The following FRZB variants were observed in gnomAD, a reference collection of about 807,000 sequenced individuals.
The protein encoded by FRZB is secreted frizzled-related protein 3.
A neutral mutation model predicts 32.5 loss-of-function variants in FRZB; 34 were observed. The observed-to-expected ratio is 1.05, with a 90% confidence interval of 0.80 to 1.39. The LOEUF is 1.39. FRZB is among the 40% of genes most tolerant of loss of function. The probability of loss-of-function intolerance (pLI) is 0.00; values close to 1 mark genes in which losing one functional copy is unlikely to be tolerated. For synonymous variants in FRZB, 170 were observed against 159.2 expected, an observed-to-expected ratio of 1.07 and a Z score of -0.51; for missense variants, 423 against 424.8, an observed-to-expected ratio of 1.00 and a Z score of 0.04.
chr2:182,835,448 G>GT (rs1013370932), intron 5 of FRZB, among the ~76,000 whole-genome samples: 12 of 132,482 alleles, frequency 9.1e-5, no homozygotes, highest in African/African-American at 3.9e-4. Context: ...TTTGAGGGAT[G>GT]GGGGGGTCTC....
chr2:182,854,214 A>C (rs1695741395), intron 2 of FRZB, among the ~76,000 whole-genome samples: 2 of 152,114 alleles, frequency 1.3e-5, no homozygotes, highest in Non-Finnish European at 2.9e-5. Context: ...GAGAGTGGTT[A>C]CTTTGTGAAA....
intron 3 of FRZB, among the ~76,000 whole-genome samples, chr2:182,840,493 G>T (rs1695575955): frequency 6.6e-6 from 1 of 152,050 alleles, no homozygotes; most frequent in Non-Finnish European, 1.5e-5. Flanking sequence ...CACTTAAGGA[G>T]TTTTTCCCAG....
In FRZB at chr2:182,858,820, A is replaced by G. The variant is rs1695799089; in HGVS notation, c.492T>C (p.Asp164=). The G allele has an allele frequency of 3.1e-6, 5 of 1,609,780 alleles. No homozygotes were observed. Among genetic ancestry groups the G allele is most frequent in the Non-Finnish European group, 2.5e-6 (3 of 1,177,098 alleles). Residue 164 remains aspartate (D), a synonymous_variant, in exon 2 of 6, where the codon GAT becomes GAC. Coordinates refer to ENST00000295113, the MANE Select transcript of FRZB (RefSeq NM_001463.4). ...VTADGADFPM[D]SSNGNCRGAS... ...CCCCTCTACAGTTTCCGTTACTAGA[A>G]TCCATAGGAAAATCTGAAAGGAGGT... is the stretch of plus-strand genomic sequence containing the variant.
At chr2:182,858,994 A>G (rs6433992) in intron 1 of FRZB, among the ~76,000 whole-genome samples, 161 bp from the exon 2 acceptor site, 100,187 of 151,858 alleles carry the variant, frequency 0.66, 33,531 homozygotes, top group African/African-American at 0.71. Context: ...CTTATCATTC[A>G]TGGGTTGAGT....
Position 182,838,570 on chromosome 2 carries a change from A to AC in FRZB, c.635_636insG (p.Asp212GlufsTer38). 1 of 1,612,964 alleles carries AC rather than the reference A, an allele frequency of 6.2e-7. No individual in the cohort carries two copies. The highest frequency in any genetic ancestry group is 8.5e-7 in the Non-Finnish European group (1 of 1,179,174). ...CCTTCACCTCCACTACTGCAGTCAC[A>AC]TCATGGCACTTAGTCTTTATCTCTT... On this transcript the variant is annotated frameshift_variant, in exon 4 of 6. Transcript: ENST00000295113. LOFTEE classifies it high-confidence loss of function.
chr2:182,850,436 C>CT (rs1333505662), intron 2 of FRZB, among the ~76,000 whole-genome samples: 1 of 152,168 alleles, frequency 6.6e-6, no homozygotes, highest in Non-Finnish European at 1.5e-5. Flanking sequence ...ATGAGATTCA[C>CT]TTTTTTCTGT....
In FRZB at chr2:182,852,593, T is replaced by C. The variant is rs565915265; in HGVS notation, c.526+6193A>G. 2.0e-5 allele frequency among the ~76,000 whole-genome samples: 3 copies of C among 152,312 alleles called. No individual in the cohort carries two copies. In the East Asian group the frequency reaches 5.8e-4, roughly 29 times the overall value. On this transcript the variant is annotated intron_variant, in intron 2 of 5. Transcript: ENST00000295113. Reference sequence around the variant, plus strand: ...TTTTCAAATGTGAAAGTTCATAAATTGGTCACCCTCACAAAGCAGAAAATT... The same window carrying C: ...TTTTCAAATGTGAAAGTTCATAAATCGGTCACCCTCACAAAGCAGAAAATT...
At chr2:182,836,081 C>T (rs1695521863) in intron 5 of FRZB, among the ~76,000 whole-genome samples, 3 of 152,032 alleles carry the variant, frequency 2.0e-5, no homozygotes, top group Admixed American at 6.6e-5. Context: ...GTATTCTTTA[C>T]TCCACAATCT....
intron 5 of FRZB, among the ~76,000 whole-genome samples, chr2:182,837,446 C>T (rs930552851): frequency 6.6e-6 from 1 of 151,928 alleles, no homozygotes; most frequent in African/African-American, 2.4e-5. Context: ...AGCAATATCC[C>T]CAGGTTTAAA....
intron 2 of FRZB, among the ~76,000 whole-genome samples, chr2:182,851,908 AG>A (rs1695714449): frequency 1.3e-5 from 2 of 152,282 alleles, no homozygotes; most frequent in South Asian, 4.1e-4. Context: ...TCTATAGCTG[AG>A]GGACAAGCAG....
Position 182,834,823 on chromosome 2 carries a change from CTG to C in FRZB, c.*24_*25del, listed in dbSNP as rs773780156. 6.5e-7 allele frequency: 1 copy of C among 1,530,990 alleles called. No individual in the cohort carries two copies. Among genetic ancestry groups the C allele is most frequent in the Non-Finnish European group, 9.1e-7 (1 of 1,104,936 alleles). 94.8% of individuals were successfully genotyped at this position (1,530,990 alleles called of 1,614,324 possible). A position where few individuals can be genotyped will look rare whatever the true frequency, so the allele number is the denominator to read the frequency against. On this transcript the variant is annotated 3_prime_UTR_variant, in exon 6 of 6. Coordinates refer to ENST00000295113, the MANE Select transcript of FRZB (RefSeq NM_001463.4). ...CAAGTAAGTCTTAATAGGAAGTCCA[CTG>C]TGTTACTTTTTGTATTTCGGGATTT... is the stretch of plus-strand genomic sequence containing the variant.
chr2:182,842,105 G>T (rs1388625978), intron 3 of FRZB, among the ~76,000 whole-genome samples: 1 of 152,152 alleles, frequency 6.6e-6, no homozygotes, highest in Non-Finnish European at 1.5e-5. Flanking sequence ...GCATCAAAGT[G>T]CTCTGCTGTT....
rs1329688491 is a variant in FRZB at position 182,866,548 on chromosome 2, A to C, written c.5T>G (p.Val2Gly). M[V>G]CGSPGGMLLL... is the part of the protein sequence containing the mutation. ...CAGCATCCCTCCCGGGCTGCCGCAG[A>C]CCATGATCCCGGCAGGATGGGGCAG... Residue 2 changes from valine to glycine, a missense_variant, in exon 1 of 6, where the codon GTC becomes GGC. By Grantham distance (109) the Val-to-Gly change is moderately radical. Transcript: ENST00000295113. This position sits in a 1 kb window ranked among gnomAD's most constrained non-coding sequence, Gnocchi z 4.5. 4 of 1,452,826 alleles carry C rather than the reference A, an allele frequency of 2.8e-6. No homozygotes were observed. Among genetic ancestry groups the C allele is most frequent in the Non-Finnish European group, 3.6e-6 (4 of 1,105,390 alleles). The allele number at this position is 1,452,826 out of a possible 1,614,324, so 90.0% of individuals were successfully genotyped here.
At chr2:182,857,897 T>A (rs372087507) in intron 2 of FRZB, among the ~76,000 whole-genome samples, 1 of 152,168 alleles carries the variant, frequency 6.6e-6, no homozygotes, top group Non-Finnish European at 1.5e-5. Context: ...AATAAACACA[T>A]GAAAATGTAT....
chr2:182,851,611 G>A (rs1000986962), intron 2 of FRZB, among the ~76,000 whole-genome samples: 9 of 151,862 alleles, frequency 5.9e-5, no homozygotes, highest in Admixed American at 2.0e-4. Context: ...AGCTGAGATC[G>A]TGCTATTGCA....
chr2:182,835,434 TTTTTTTG>T (rs1057402177), intron 5 of FRZB, among the ~76,000 whole-genome samples: 2 of 150,846 alleles, frequency 1.3e-5, no homozygotes, highest in African/African-American at 4.9e-5. Context: ...AAAATGGAAA[TTTTTTTG>T]AGGGATGGGG....
intron 2 of FRZB, among the ~76,000 whole-genome samples, chr2:182,845,989 T>C (rs1695635227): frequency 1.3e-5 from 2 of 152,236 alleles, no homozygotes. Context: ...TGCCCCATGA[T>C]ACACGCAGTG....
At chr2:182,851,190 A>T (rs1695705924) in intron 2 of FRZB, among the ~76,000 whole-genome samples, 1 of 152,078 alleles carries the variant, frequency 6.6e-6, no homozygotes, top group South Asian at 2.1e-4. Context: ...CACTTTGTTG[A>T]TTGTTTCCTT....
In FRZB at chr2:182,866,603, C is replaced by T; in HGVS notation, c.-51G>A. ...CAGCCGCGCAGTGGACGCCAAAAGG[C>T]CCGCTCCGCCGTCTCCGCCTCCCCC... On this transcript the variant is annotated 5_prime_UTR_variant, in exon 1 of 6. Transcript: ENST00000295113. This position sits in a 1 kb window ranked among gnomAD's most constrained non-coding sequence, Gnocchi z 4.5. 3.9e-6 allele frequency: 5 copies of T among 1,289,068 alleles called. No homozygotes were observed. Among genetic ancestry groups the T allele is most frequent in the Non-Finnish European group, 5.1e-6 (5 of 975,292 alleles). 79.9% of individuals were successfully genotyped at this position (1,289,068 alleles called of 1,614,324 possible). A position where few individuals can be genotyped will look rare whatever the true frequency, so the allele number is the denominator to read the frequency against.
Sources: allele counts gnomAD v4.1 joint callset (sites outside exome capture counted in the v4.1 genomes callset), GRCh38; gene constraint gnomAD v4.1.1; non-coding constraint Gnocchi (gnomAD v3.1); transcripts MANE v1.5; gene names NCBI Gene and HGNC (gene_info 2026-07-23, HGNC 2026-07-21).